The following ALDH7A1 variants were observed in gnomAD, a reference collection of about 807,000 sequenced individuals.
ALDH7A1 encodes the protein aldehyde dehydrogenase 7 family member A1, also known as alpha-aminoadipic semialdehyde dehydrogenase.
A neutral mutation model predicts 79.9 loss-of-function variants in ALDH7A1; 63 were observed. That is an observed-to-expected ratio of 0.79 (90% CI 0.64 to 0.97). ALDH7A1 has a LOEUF of 0.97. Among genes scored for constraint, ALDH7A1 ranks in the 50% least tolerant of loss-of-function variants. ALDH7A1 has a pLI of 0.00. For missense variants in ALDH7A1, 627 were observed against 665.2 expected (o/e 0.94, Z 0.63); for synonymous variants, 240 against 231.2 (o/e 1.04, Z -0.34).
At chr5:126,593,537 C>A (rs1039017309) in intron 1 of ALDH7A1, 133 bp from the exon 2 acceptor site, 7 of 1,282,760 alleles carry the variant, frequency 5.5e-6, no homozygotes, top group Non-Finnish European at 7.7e-6. Context: ...CTTAGGTTAA[C>A]TTCTGTTACA....
chr5:126,593,303 AATTAAACACAC>A lies in ALDH7A1; in HGVS notation c.246+37_246+47del, dbSNP rs781575181. On this transcript the variant is annotated intron_variant, in intron 2 of 17. Coordinates refer to ENST00000409134, the MANE Select transcript of ALDH7A1 (RefSeq NM_001182.5). ...GCACAAACTCCTTGTGTATAATTTG[AATTAAACACAC>A]ACACACACACACACACACACACACA... 1.6e-4 allele frequency: 257 copies of A among 1,588,640 alleles called. No homozygotes were observed. The African/African-American group carries it at 3.5e-3, about 21-fold the overall frequency.
intron 7 of ALDH7A1, among the ~76,000 whole-genome samples, chr5:126,572,280 T>G (rs1750802891): frequency 6.6e-6 from 1 of 152,210 alleles, no homozygotes; most frequent in South Asian, 2.1e-4. Flanking sequence ...TTCCTTCCAA[T>G]CCAGGATCCA....
At chr5:126,549,832 AG>A in intron 16 of ALDH7A1, 96 bp downstream of exon 16, 1 of 1,055,514 alleles carries the variant, frequency 9.5e-7, no homozygotes, top group Non-Finnish European at 1.5e-6. Context: ...TCAGAATATA[AG>A]GAGTGTTTCA....
At position 126,570,867 on chromosome 5, in the gene ALDH7A1, G is replaced by C. The variant is rs1182923200; in HGVS notation, c.696-8C>G. ...AGAACCTTGGCTATTATCCTAGAAAGGAAAAAGCAATTACTGAGGCAATAA... is the reference window on the plus strand; with the variant it reads ...AGAACCTTGGCTATTATCCTAGAAACGAAAAAGCAATTACTGAGGCAATAA... On this transcript the variant is annotated splice_polypyrimidine_tract_variant and splice_region_variant and intron_variant, in intron 7 of 17. Transcript: ENST00000409134. 1 of 1,613,312 alleles carries C rather than the reference G, an allele frequency of 6.2e-7. No homozygotes were observed. The highest frequency in any genetic ancestry group is 2.2e-5 in the East Asian group (1 of 44,852).
At chr5:126,592,983 G>A (rs1581406392) in intron 2 of ALDH7A1, among the ~76,000 whole-genome samples, 2 of 152,254 alleles carry the variant, frequency 1.3e-5, no homozygotes, top group East Asian at 1.9e-4. Context: ...GAACATGTAA[G>A]GCATATTAGA....
Position 126,542,582 on chromosome 5 carries a change from T to C in ALDH7A1, c.*2383A>G, listed in dbSNP as rs1044618854. 4 of 152,132 alleles carry C rather than the reference T, an allele frequency of 2.6e-5. No individual in the cohort carries two copies. Among genetic ancestry groups the C allele is most frequent in the African/African-American group, 7.2e-5 (3 of 41,398 alleles). The allele number at this position is 152,132 out of a possible 1,614,324, so 9.4% of individuals were successfully genotyped here. A position where few individuals can be genotyped will look rare whatever the true frequency, so the allele number is the denominator to read the frequency against. On this transcript the variant is annotated 3_prime_UTR_variant, in exon 18 of 18. Coordinates refer to ENST00000409134, the MANE Select transcript of ALDH7A1 (RefSeq NM_001182.5). ...GGGGAGCATGAGGTGGAAGGATAGA[T>C]TGAGCCCAGGAGTTGGAGGCTGCAG...
rs1473527399 is a variant in ALDH7A1 at position 126,543,258 on chromosome 5, T to G, written c.*1707A>C. On this transcript the variant is annotated 3_prime_UTR_variant, in exon 18 of 18. Transcript: ENST00000409134. ...AAGGCATATGTTTTAATGAACATTATAACCAAAAAAAATTGAGTCCTTGTG... is the reference window on the plus strand; with the variant it reads ...AAGGCATATGTTTTAATGAACATTAGAACCAAAAAAAATTGAGTCCTTGTG... 1 of 96,304 alleles carries G rather than the reference T, an allele frequency of 1.0e-5. No homozygotes were observed. Among genetic ancestry groups the G allele is most frequent in the Non-Finnish European group, 2.3e-5 (1 of 44,206 alleles). 6.0% of individuals were successfully genotyped at this position (96,304 alleles called of 1,614,324 possible). A position where few individuals can be genotyped will look rare whatever the true frequency, so the allele number is the denominator to read the frequency against.
At chr5:126,556,794 T>C (rs1335706551) in intron 11 of ALDH7A1, among the ~76,000 whole-genome samples, 1 of 152,198 alleles carries the variant, frequency 6.6e-6, no homozygotes, top group East Asian at 1.9e-4. Flanking sequence ...GTCCATGCTA[T>C]GCTCCAAGTG....
At chr5:126,572,836 G>A (rs1305814506) in intron 7 of ALDH7A1, among the ~76,000 whole-genome samples, 1 of 152,138 alleles carries the variant, frequency 6.6e-6, no homozygotes, top group African/African-American at 2.4e-5. Context: ...AGGAATACCT[G>A]ATGCCATCCT....
intron 3 of ALDH7A1, among the ~76,000 whole-genome samples, chr5:126,585,440 G>A (rs558759280): frequency 2.0e-5 from 3 of 152,212 alleles, no homozygotes; most frequent in African/African-American, 7.2e-5. Context: ...GAGCTTGGCT[G>A]TGAGCTCAAG....
chr5:126,547,965 T>C (rs1749848485), intron 16 of ALDH7A1, among the ~76,000 whole-genome samples: 1 of 151,638 alleles, frequency 6.6e-6, no homozygotes, highest in African/African-American at 2.4e-5. Flanking sequence ...GGCGGGAGAA[T>C]TGCTTGAACT....
chr5:126,562,701 A>T (rs1750444754), intron 9 of ALDH7A1, among the ~76,000 whole-genome samples: 1 of 152,064 alleles, frequency 6.6e-6, no homozygotes, highest in Non-Finnish European at 1.5e-5. Context: ...CACAAAAATT[A>T]GCTGGGCGTG....
At chr5:126,594,348 C>G (rs1431059829) in intron 1 of ALDH7A1, 2 of 454,100 alleles carry the variant, frequency 4.4e-6, no homozygotes, top group Non-Finnish European at 9.2e-6. Flanking sequence ...AGCTGAAGAG[C>G]CAGAGTTAAG....
chr5:126,593,245 T>A, intron 2 of ALDH7A1, 106 bp downstream of exon 2: 1 of 1,513,608 alleles, frequency 6.6e-7, no homozygotes, highest in Non-Finnish European at 8.9e-7. Flanking sequence ...ATTCTTGACC[T>A]GCCTAACTGG....
intron 9 of ALDH7A1, chr5:126,561,933 G>T (rs1053322456): frequency 2.6e-5 from 4 of 152,124 alleles, no homozygotes; most frequent in Non-Finnish European, 4.4e-5. Flanking sequence ...TCACACCACT[G>T]CACTCCAGCC....
chr5:126,561,045 T>C (rs772239212), intron 10 of ALDH7A1, 38 bp downstream of exon 10: 1 of 1,611,014 alleles, frequency 6.2e-7, no homozygotes, highest in Non-Finnish European at 8.5e-7. Flanking sequence ...CTGTGGAAAC[T>C]GAACAGAAAA....
chr5:126,545,104 T>C, intron 17 of ALDH7A1, 85 bp from the exon 18 acceptor site: 1 of 1,023,132 alleles, frequency 9.8e-7, no homozygotes, highest in Non-Finnish European at 1.5e-6. Flanking sequence ...AGCAGATCTG[T>C]ATATATTAAC....
intron 13 of ALDH7A1, among the ~76,000 whole-genome samples, chr5:126,552,729 G>C (rs1750045273): frequency 6.6e-6 from 1 of 151,190 alleles, no homozygotes; most frequent in African/African-American, 2.4e-5. Context: ...GGGGTTTTTT[G>C]TTTTTGATTT....
chr5:126,594,398 T>C (rs1751666803), intron 1 of ALDH7A1: 1 of 367,006 alleles, frequency 2.7e-6, no homozygotes, highest in African/African-American at 2.1e-5. Context: ...GTGTGCCACA[T>C]TTCTCACAAG....
Sources: gnomAD v4.1 joint callset for allele counts (sites outside exome capture counted in the v4.1 genomes callset) on GRCh38, gnomAD v4.1.1 for gene constraint, MANE v1.5 for transcripts, NCBI Gene and HGNC (gene_info 2026-07-23, HGNC 2026-07-21) for gene names.